PHC3: variants seen among roughly 807,000 people sequenced by gnomAD.
The protein encoded by PHC3 is polyhomeotic homolog 3, also known as polyhomeotic-like protein 3.
In PHC3, 13 loss-of-function variants were observed where a neutral mutation model predicts 107.4. The observed-to-expected ratio is 0.12, with a 90% CI of 0.08 to 0.19. The LOEUF (loss-of-function observed/expected upper bound fraction) is 0.19, where lower values mean the gene tolerates loss of function less well. Among genes scored for constraint, PHC3 ranks in the 10% least tolerant of loss-of-function variants. The probability of loss-of-function intolerance (pLI) is 1.00; values close to 1 mark genes in which losing one functional copy is unlikely to be tolerated. For missense variants in PHC3, 992 were observed against 1,210.9 expected, an observed-to-expected ratio of 0.82 and a Z score of 2.68; for synonymous variants, 456 against 427.4, an observed-to-expected ratio of 1.07 and a Z score of -0.83.
intron 4 of PHC3, among the ~76,000 whole-genome samples, chr3:170,161,464 A>C (rs1452373500): frequency 6.6e-6 from 1 of 152,172 alleles, no homozygotes; most frequent in Non-Finnish European, 1.5e-5. Flanking sequence ...TCCATCTCAG[A>C]TCATCAGGCA....
chr3:170,127,447 G>A (rs1055329834), intron 8 of PHC3, among the ~76,000 whole-genome samples: 6 of 152,150 alleles, frequency 3.9e-5, no homozygotes, highest in Non-Finnish European at 2.9e-5. Context: ...GATTACAGGC[G>A]TGAGCCACTA....
chr3:170,112,566 C>A (rs1326343945), intron 11 of PHC3, among the ~76,000 whole-genome samples: 1 of 150,048 alleles, frequency 6.7e-6, no homozygotes, highest in Admixed American at 6.7e-5. Flanking sequence ...CTCTGTCACC[C>A]AGGCTGGAGC....
At chr3:170,173,418 AC>A (rs1729929834) in intron 2 of PHC3, among the ~76,000 whole-genome samples, 1 of 152,194 alleles carries the variant, frequency 6.6e-6, no homozygotes, top group Admixed American at 6.6e-5. Flanking sequence ...AGTTGGCATA[AC>A]CTTTTTGGAT....
intron 1 of PHC3, 85 bp from the exon 2 acceptor site, chr3:170,179,023 C>T: frequency 7.6e-7 from 1 of 1,323,486 alleles, no homozygotes; most frequent in Non-Finnish European, 1.1e-6. Context: ...AAATAATCAG[C>T]AGTAATCTAA....
chr3:170,119,716 TG>T (rs1719834435), intron 9 of PHC3, among the ~76,000 whole-genome samples: 1 of 152,190 alleles, frequency 6.6e-6, no homozygotes, highest in Admixed American at 6.5e-5. Flanking sequence ...TCTACCTTTT[TG>T]TATAGATGCT....
In PHC3 at chr3:170,093,835, C is replaced by T. The variant is rs942367958; in HGVS notation, c.*3395G>A. 6.6e-6 allele frequency: 1 copy of T among 152,086 alleles called. No individual in the cohort carries two copies. Among genetic ancestry groups the T allele is most frequent in the East Asian group, 1.9e-4 (1 of 5,196 alleles). The allele number at this position is 152,086 out of a possible 1,614,324, so 9.4% of individuals were successfully genotyped here. On this transcript the variant is annotated 3_prime_UTR_variant, in exon 15 of 15. Coordinates refer to ENST00000495893, the MANE Select transcript of PHC3 (RefSeq NM_024947.4). ...TCACAATAATACTTGTTTCATAGTT[C>T]TAAGTATTTTGATACACCAGGAAAC...
rs771027774 is a variant in PHC3, at chr3:170,136,340, G to A, written c.919+79C>T. 6.4e-6 allele frequency: 10 copies of A among 1,550,468 alleles called. No individual in the cohort carries two copies. In the African/African-American group the frequency reaches 1.1e-4, roughly 17 times the overall value. ...TTTTAAAGGTGTCACTCCTGTTCAAGTCATGAACATCCTTTGTTTTGCTCT... is the reference window on the plus strand; with the variant it reads ...TTTTAAAGGTGTCACTCCTGTTCAAATCATGAACATCCTTTGTTTTGCTCT... On this transcript the variant is annotated intron_variant, in intron 7 of 14. Transcript: ENST00000495893.
intron 12 of PHC3, among the ~76,000 whole-genome samples, chr3:170,103,185 T>C (rs557125851): frequency 1.3e-5 from 2 of 152,328 alleles, no homozygotes; most frequent in South Asian, 4.1e-4. Flanking sequence ...TATTGTATTT[T>C]TTCCTGATTA....
chr3:170,136,640 T>C lies in PHC3; in HGVS notation c.698A>G (p.Gln233Arg). ...TQVQNLTLRS[Q>R]KLGVLSSSQN... ...TGAGCTAGATAATACACCCAACTTCTGGCTGCGTAATGTTAAATTCTGAAC... is the reference window on the plus strand; with the variant it reads ...TGAGCTAGATAATACACCCAACTTCCGGCTGCGTAATGTTAAATTCTGAAC... The change falls in exon 7 of 15, where the codon CAG becomes CGG. Residue 233 changes from glutamine (Q) to arginine (R), a missense_variant. Gln to Arg is a conservative substitution (Grantham distance 43). Coordinates refer to ENST00000495893, the MANE Select transcript of PHC3 (RefSeq NM_024947.4). 4 of 1,613,668 alleles carry C rather than the reference T, an allele frequency of 2.5e-6. No individual in the cohort carries two copies. The African/African-American group carries it at 4.0e-5, about 16-fold the overall frequency.
At chr3:170,181,043 C>G (rs1731313674) in intron 1 of PHC3, among the ~76,000 whole-genome samples, 2 of 151,800 alleles carry the variant, frequency 1.3e-5, no homozygotes, top group South Asian at 4.1e-4. Context: ...CATACCGTCA[C>G]ACCGACACAC....
chr3:170,153,341 A>G (rs1726323637), intron 4 of PHC3, among the ~76,000 whole-genome samples: 1 of 152,028 alleles, frequency 6.6e-6, no homozygotes, highest in Admixed American at 6.6e-5. Flanking sequence ...TTAGTTTGAG[A>G]CTTTGGGCCC....
intron 7 of PHC3, among the ~76,000 whole-genome samples, chr3:170,130,225 C>G (rs952623602): frequency 2.0e-5 from 3 of 152,030 alleles, no homozygotes; most frequent in African/African-American, 7.2e-5. Flanking sequence ...CATCATAGAA[C>G]AAGTATAACA....
intron 2 of PHC3, among the ~76,000 whole-genome samples, chr3:170,173,193 C>CAAA (rs571535390): frequency 8.5e-6 from 1 of 117,774 alleles, no homozygotes; most frequent in Non-Finnish European, 1.8e-5. Context: ...ACTCCCATCT[C>CAAA]AAAAAAAAAA....
chr3:170,155,060 T>G (rs975283189), intron 4 of PHC3, among the ~76,000 whole-genome samples: 4 of 152,178 alleles, frequency 2.6e-5, no homozygotes, highest in Admixed American at 6.5e-5. Flanking sequence ...GCCCGATTAC[T>G]GCAAGCTGTC....
intron 4 of PHC3, among the ~76,000 whole-genome samples, chr3:170,160,277 G>C (rs564291107): frequency 6.6e-6 from 1 of 152,310 alleles, no homozygotes; most frequent in East Asian, 1.9e-4. Flanking sequence ...TGTTTTAAAA[G>C]TTTAGCGTTC....
rs1479014613 is a variant in PHC3 at position 170,129,314 on chromosome 3, C to T, written c.1158G>A (p.Pro386=). ...TTAAAGGAGAGGGATGACTCTGAAT[C>T]GGTGAACAATGCTGTGACTGGGCAT... is the stretch of plus-strand genomic sequence containing the variant. The part of the protein sequence containing the change: ...PSNAQSQHCS[P]IQSHPSPLTV... Residue 386 remains proline (P), a synonymous_variant, in exon 8 of 15, where the codon CCG becomes CCA. Coordinates refer to ENST00000495893, the MANE Select transcript of PHC3 (RefSeq NM_024947.4). The T allele has an allele frequency of 1.9e-6, 3 of 1,613,840 alleles. No individual in the cohort carries two copies. The highest frequency in any genetic ancestry group is 2.7e-5 in the African/African-American group (2 of 74,912).
At chr3:170,179,448 T>TA (rs998397169) in intron 1 of PHC3, among the ~76,000 whole-genome samples, 4 of 152,302 alleles carry the variant, frequency 2.6e-5, no homozygotes, top group African/African-American at 9.6e-5. Context: ...AAGTTCTTTT[T>TA]AAAAAATGTT....
intron 9 of PHC3, among the ~76,000 whole-genome samples, chr3:170,120,759 C>T (rs987549849): frequency 5.3e-5 from 8 of 151,744 alleles, no homozygotes; most frequent in African/African-American, 1.7e-4. Flanking sequence ...GGATATGGCA[C>T]GCTAAAGAAA....
At chr3:170,131,702 C>T (rs1350475244) in intron 7 of PHC3, among the ~76,000 whole-genome samples, 2 of 152,082 alleles carry the variant, frequency 1.3e-5, no homozygotes, top group East Asian at 3.9e-4. Flanking sequence ...GGCTTGGTAA[C>T]ACACGCCTGT....
Sources: allele counts gnomAD v4.1 joint callset (sites outside exome capture counted in the v4.1 genomes callset), GRCh38; gene constraint gnomAD v4.1.1; transcripts MANE v1.5; gene names NCBI Gene and HGNC (gene_info 2026-07-23, HGNC 2026-07-21).